The following DCTN5 variants were observed in gnomAD, a reference collection of about 807,000 sequenced individuals.
The protein encoded by DCTN5 is dynactin 4.
Under a neutral mutation model 23.5 loss-of-function variants are expected in DCTN5, and 14 were observed. The ratio of observed to expected loss-of-function variants is 0.60; its 90% CI spans 0.39 to 0.93. The LOEUF (loss-of-function observed/expected upper bound fraction) is 0.93. Among genes scored for constraint, DCTN5 ranks in the 40% least tolerant of loss-of-function variants. The probability of loss-of-function intolerance (pLI) is 0.00; values close to 1 mark genes in which losing one functional copy is unlikely to be tolerated. For missense variants in DCTN5, 156 were observed against 225.9 expected (o/e 0.69, Z 1.98); for synonymous variants, 67 against 79.6 (o/e 0.84, Z 0.84).
chr16:23,642,914 ATT>A, intron 1 of DCTN5, 39 bp from the exon 2 acceptor site: 1 of 1,577,788 alleles, frequency 6.3e-7, no homozygotes, highest in Non-Finnish European at 8.7e-7. Flanking sequence ...CCAGAAACCT[ATT>A]AAGTTTGCTT....
intron 2 of DCTN5, among the ~76,000 whole-genome samples, chr16:23,650,534 C>G (rs1246980661): frequency 6.7e-6 from 1 of 150,220 alleles, no homozygotes; most frequent in Non-Finnish European, 1.5e-5. Flanking sequence ...CCATGTTGGC[C>G]AGGATGGTCT....
At position 23,666,724 on chromosome 16, in the gene DCTN5, A is replaced by T. The variant is rs1967913010; in HGVS notation, c.452-323A>T. The T allele has an allele frequency of 1.1e-5, 5 of 463,958 alleles. 1 individual carries two copies. The highest frequency in any genetic ancestry group is 1.9e-5 in the Non-Finnish European group (5 of 261,470). The allele number at this position is 463,958 out of a possible 1,614,324, so 28.7% of individuals were successfully genotyped here. A position where few individuals can be genotyped will look rare whatever the true frequency, so the allele number is the denominator to read the frequency against. On this transcript the variant is annotated intron_variant, in intron 5 of 5. Transcript: ENST00000300087. ...TTAAAAAATAAATCTCATCTCTCAG[A>T]TCATTGAATCTGAGTTTCTAAGATG... is the stretch of plus-strand genomic sequence containing the variant.
intron 2 of DCTN5, among the ~76,000 whole-genome samples, chr16:23,644,412 T>A (rs533354966): frequency 1.8e-4 from 27 of 151,092 alleles, no homozygotes; most frequent in African/African-American, 6.1e-4. Flanking sequence ...GCCATTCTCC[T>A]GCCTCAGCCT....
At position 23,641,596 on chromosome 16, in the gene DCTN5, C is replaced by T. The variant is rs199821147; in HGVS notation, c.48+6C>T. 2.8e-4 allele frequency: 447 copies of T among 1,613,914 alleles called. 1 individual carries two copies. The highest frequency in any genetic ancestry group is 2.1e-4 in the Non-Finnish European group (243 of 1,179,876). ...AGTCTGAGTACATCGAGACGGTGCG[C>T]GGGTCCAGATATGTATCCTCCTCTT... is the stretch of plus-strand genomic sequence containing the variant. On this transcript the variant is annotated splice_donor_region_variant and intron_variant, in intron 1 of 5. Coordinates refer to ENST00000300087, the MANE Select transcript of DCTN5 (RefSeq NM_032486.4).
At chr16:23,646,802 C>T (rs1052330112) in intron 2 of DCTN5, among the ~76,000 whole-genome samples, 1 of 152,078 alleles carries the variant, frequency 6.6e-6, no homozygotes, top group African/African-American at 2.4e-5. Flanking sequence ...TCTCAAACTC[C>T]CGACCTCAGG....
intron 2 of DCTN5, among the ~76,000 whole-genome samples, chr16:23,647,621 C>G (rs964063097): frequency 1.3e-5 from 2 of 151,726 alleles, no homozygotes; most frequent in African/African-American, 4.8e-5. Context: ...AATTGTCCTG[C>G]CTCAGCCTCC....
At chr16:23,666,399 C>G (rs1967906663) in intron 5 of DCTN5, 1 of 153,170 alleles carries the variant, frequency 6.5e-6, no homozygotes, top group African/African-American at 2.4e-5. Context: ...TGATAGAATG[C>G]TCACAAGTAA....
chr16:23,669,239 C>T lies in DCTN5; in HGVS notation c.*2095C>T, dbSNP rs1015873752. On this transcript the variant is annotated 3_prime_UTR_variant, in exon 6 of 6. Transcript: ENST00000300087. ...CTTGGTTGGGACTCTTTCCAGTTCA[C>T]TTGGGGCAGAGGGAATTTAATGGCT... The T allele has an allele frequency of 3.3e-5, 5 of 152,306 alleles. No homozygotes were observed. Among genetic ancestry groups the T allele is most frequent in the African/African-American group, 1.2e-4 (5 of 41,424 alleles). The allele number at this position is 152,306 out of a possible 1,614,324, so 9.4% of individuals were successfully genotyped here.
rs951181018 is a variant in DCTN5 at position 23,669,916 on chromosome 16, A to G, written c.*2772A>G. 1.3e-5 allele frequency: 2 copies of G among 152,254 alleles called. No homozygotes were observed. Among genetic ancestry groups the G allele is most frequent in the Non-Finnish European group, 2.9e-5 (2 of 68,108 alleles). The allele number at this position is 152,254 out of a possible 1,614,324, so 9.4% of individuals were successfully genotyped here. A position where few individuals can be genotyped will look rare whatever the true frequency, so the allele number is the denominator to read the frequency against. On this transcript the variant is annotated 3_prime_UTR_variant, in exon 6 of 6. Transcript: ENST00000300087. ...TTATTATTTTTCCCCAGATGAGCTG[A>G]CTGGGCCATGGAACTGCATCCTTAT...
chr16:23,654,296 TG>T (rs1285236509), intron 2 of DCTN5, among the ~76,000 whole-genome samples: 2 of 152,154 alleles, frequency 1.3e-5, no homozygotes, highest in Non-Finnish European at 2.9e-5. Context: ...AGTGATAGAC[TG>T]GATAAAGAAA....
chr16:23,665,627 G>C lies in DCTN5; in HGVS notation c.350G>C (p.Gly117Ala). 1 of 1,610,590 alleles carries C rather than the reference G, an allele frequency of 6.2e-7. No homozygotes were observed. The part of the protein sequence containing the change: ...YVHVGKNCVI[G>A]RRCVLKDCCK... Reference sequence around the variant, plus strand: ...CTATTAACAAGATTTTAATTTCAGGGGCGCCGATGTGTGTTGAAAGACTGC... The same window carrying C: ...CTATTAACAAGATTTTAATTTCAGGCGCGCCGATGTGTGTTGAAAGACTGC... The change falls in exon 5 of 6, where the codon GGG becomes GCG. Residue 117 changes from glycine (G) to alanine (A), a missense_variant and splice_region_variant. By Grantham distance (60) the Gly-to-Ala change is moderately conservative. This residue lies in a region of DCTN5 where 153 missense variants were observed against 206.8 expected (regional missense o/e 0.74). Transcript: ENST00000300087.
intron 1 of DCTN5, 39 bp downstream of exon 1, chr16:23,641,629 C>G (rs1287461766): frequency 6.2e-7 from 1 of 1,611,830 alleles, no homozygotes; most frequent in Non-Finnish European, 8.5e-7. Context: ...CTTTCCAACC[C>G]TGCGTCCCTT....
Position 23,673,966 on chromosome 16 carries a change from T to C in DCTN5, c.*6822T>C, listed in dbSNP as rs1323744270. On this transcript the variant is annotated 3_prime_UTR_variant, in exon 6 of 6. Coordinates refer to ENST00000300087, the MANE Select transcript of DCTN5 (RefSeq NM_032486.4). ...TTTTTTGAGTGGGTCAATTGGACTCTAAGACCAACAAGATAAAAAGGCAGC... is the reference window on the plus strand; with the variant it reads ...TTTTTTGAGTGGGTCAATTGGACTCCAAGACCAACAAGATAAAAAGGCAGC... The C allele has an allele frequency of 6.6e-6, 1 of 152,208 alleles. No homozygotes were observed. Among genetic ancestry groups the C allele is most frequent in the Admixed American group, 6.5e-5 (1 of 15,278 alleles). 9.4% of individuals were successfully genotyped at this position (152,208 alleles called of 1,614,324 possible).
chr16:23,650,124 CTGGCAGTG>C (rs1480290245), intron 2 of DCTN5, among the ~76,000 whole-genome samples: 2 of 152,150 alleles, frequency 1.3e-5, no homozygotes, highest in African/African-American at 4.8e-5. Context: ...ATTTTTAAGT[CTGGCAGTG>C]TGATGCCCCC....
At chr16:23,642,353 C>G (rs981583092) in intron 1 of DCTN5, among the ~76,000 whole-genome samples, 3 of 152,352 alleles carry the variant, frequency 2.0e-5, no homozygotes, top group Middle Eastern at 3.4e-3. Context: ...CTCTGATACT[C>G]ATAGTCATTA....
At chr16:23,652,789 T>G (rs889797867) in intron 2 of DCTN5, among the ~76,000 whole-genome samples, 1 of 152,180 alleles carries the variant, frequency 6.6e-6, no homozygotes, top group Admixed American at 6.5e-5. Flanking sequence ...TGACATATAA[T>G]AGATGTACAT....
chr16:23,666,770 T>C, intron 5 of DCTN5: 1 of 490,656 alleles, frequency 2.0e-6, no homozygotes, highest in Non-Finnish European at 3.6e-6. Context: ...TCACTCAGAT[T>C]CTTCGGGGAG....
At chr16:23,652,254 A>T (rs1251825719) in intron 2 of DCTN5, among the ~76,000 whole-genome samples, 2 of 152,082 alleles carry the variant, frequency 1.3e-5, no homozygotes, top group Non-Finnish European at 2.9e-5. Flanking sequence ...GGAGTTCCCC[A>T]CCTACCTCCC....
intron 2 of DCTN5, among the ~76,000 whole-genome samples, chr16:23,643,839 AAAG>A (rs1967362882): frequency 6.6e-6 from 1 of 152,162 alleles, no homozygotes; most frequent in Admixed American, 6.5e-5. Context: ...TTACAATAGC[AAAG>A]AGACGAGTAT....
Sources: allele counts gnomAD v4.1 joint callset (sites outside exome capture counted in the v4.1 genomes callset), GRCh38; gene constraint gnomAD v4.1.1; regional missense constraint gnomAD v4.1.1; transcripts MANE v1.5; gene names NCBI Gene and HGNC (gene_info 2026-07-23, HGNC 2026-07-21).